RORA: variants seen among roughly 807,000 people sequenced by gnomAD.
RORA encodes the protein nuclear receptor ROR-alpha.
RORA carries 7 observed loss-of-function variants against 69.5 expected under a neutral mutation model. That is an observed-to-expected ratio of 0.10 (90% CI 0.06 to 0.19). The LOEUF (loss-of-function observed/expected upper bound fraction) is 0.19, where lower values mean the gene tolerates loss of function less well. RORA is among the 10% of genes least tolerant of loss of function. RORA has a pLI of 1.00. For missense variants in RORA, 457 were observed against 663.0 expected, an observed-to-expected ratio of 0.69 and a Z score of 3.41; for synonymous variants, 261 against 240.8, an observed-to-expected ratio of 1.08 and a Z score of -0.78.
intron 1 of RORA, among the ~76,000 whole-genome samples, chr15:61,198,049 A>G (rs2079861008): frequency 6.6e-6 from 1 of 152,066 alleles, no homozygotes; most frequent in Non-Finnish European, 1.5e-5. Flanking sequence ...TGTTTTATAA[A>G]CGCAACAGGG....
chr15:61,075,479 A>G (rs942443862), intron 1 of RORA, among the ~76,000 whole-genome samples: 12 of 152,134 alleles, frequency 7.9e-5, no homozygotes, highest in Admixed American at 1.3e-4. Context: ...TGCTCCCCCC[A>G]TTAGTCTGTG....
At chr15:60,654,487 T>A (rs2070191906) in intron 2 of RORA, among the ~76,000 whole-genome samples, 1 of 152,202 alleles carries the variant, frequency 6.6e-6, no homozygotes. Flanking sequence ...CGAGGCTCTC[T>A]GAGATTTGAA....
chr15:60,786,152 C>A (rs117979186), intron 1 of RORA, among the ~76,000 whole-genome samples: 1 of 152,172 alleles, frequency 6.6e-6, no homozygotes, highest in African/African-American at 2.4e-5. Context: ...TATACATACA[C>A]GACATCACTA....
At chr15:60,660,437 G>A (rs1381279790) in intron 2 of RORA, among the ~76,000 whole-genome samples, 1 of 152,174 alleles carries the variant, frequency 6.6e-6, no homozygotes, top group East Asian at 1.9e-4. Flanking sequence ...GACTTTAGCA[G>A]CTTTTATTTT....
intron 1 of RORA, among the ~76,000 whole-genome samples, chr15:60,814,020 A>G (rs537278164): frequency 6.6e-6 from 1 of 152,330 alleles, no homozygotes; most frequent in South Asian, 2.1e-4. Context: ...GGCATACTAC[A>G]TATCATAAAA....
At chr15:60,564,294 T>C (rs1276952972) in intron 2 of RORA, among the ~76,000 whole-genome samples, 1 of 152,232 alleles carries the variant, frequency 6.6e-6, no homozygotes, top group Non-Finnish European at 1.5e-5. Flanking sequence ...GTGATCATGC[T>C]TGTTCAGTGT....
At chr15:60,858,460 T>G (rs1159027179) in intron 1 of RORA, among the ~76,000 whole-genome samples, 1 of 152,144 alleles carries the variant, frequency 6.6e-6, no homozygotes. Context: ...CTGCAATGTT[T>G]GGACTCACCC....
chr15:60,525,807 G>GTACT (rs1238978770), intron 3 of RORA, among the ~76,000 whole-genome samples: 1 of 152,158 alleles, frequency 6.6e-6, no homozygotes, highest in East Asian at 1.9e-4. Flanking sequence ...GTAGAAGCAT[G>GTACT]TACTGTGTTG....
intron 1 of RORA, among the ~76,000 whole-genome samples, chr15:60,911,588 G>A (rs1311367582): frequency 6.6e-6 from 1 of 151,954 alleles, no homozygotes; most frequent in Non-Finnish European, 1.5e-5. Context: ...GGTTTAAAGT[G>A]CAAATATATT....
intron 1 of RORA, among the ~76,000 whole-genome samples, chr15:61,106,483 G>C (rs2078949961): frequency 6.6e-6 from 1 of 152,160 alleles, no homozygotes; most frequent in Non-Finnish European, 1.5e-5. Context: ...TTAGGAGCTT[G>C]TAACTCTCTC....
intron 2 of RORA, among the ~76,000 whole-genome samples, chr15:60,579,796 T>A (rs1412737722): frequency 2.6e-5 from 4 of 152,210 alleles, no homozygotes; most frequent in African/African-American, 9.7e-5. Context: ...ATTATAATTT[T>A]CAACCCTTGA....
intron 1 of RORA, among the ~76,000 whole-genome samples, chr15:61,150,069 C>T (rs945885881): frequency 7.2e-5 from 11 of 152,136 alleles, no homozygotes; most frequent in African/African-American, 2.4e-4. Flanking sequence ...AAGAGTACTA[C>T]ACATGGTTAA....
intron 1 of RORA, among the ~76,000 whole-genome samples, chr15:60,962,904 T>C (rs2140344494): frequency 6.6e-6 from 1 of 152,270 alleles, no homozygotes; most frequent in African/African-American, 2.4e-5. Flanking sequence ...TTGCAGGAGA[T>C]TGGGAAGACA....
chr15:60,551,195 G>T (rs1287566562), intron 2 of RORA, among the ~76,000 whole-genome samples: 2 of 152,036 alleles, frequency 1.3e-5, no homozygotes, highest in Admixed American at 1.3e-4. Flanking sequence ...AAAATTACTG[G>T]TGAGAGTGAG....
intron 3 of RORA, among the ~76,000 whole-genome samples, chr15:60,523,518 A>C (rs1445029803): frequency 1.3e-5 from 2 of 152,234 alleles, no homozygotes; most frequent in Non-Finnish European, 2.9e-5. Flanking sequence ...CCAGAGAGCC[A>C]GTTGTTCACA....
intron 2 of RORA, among the ~76,000 whole-genome samples, chr15:60,577,489 C>CA (rs1476265388): frequency 2.0e-5 from 3 of 151,830 alleles, no homozygotes; most frequent in African/African-American, 4.8e-5. Flanking sequence ...ACTAAAAATA[C>CA]AAAAATTAGC....
At chr15:60,784,078 C>G (rs1340629429) in intron 1 of RORA, among the ~76,000 whole-genome samples, 1 of 152,158 alleles carries the variant, frequency 6.6e-6, no homozygotes, top group Admixed American at 6.5e-5. Context: ...TGGTCTGTAT[C>G]TAACTGGGGA....
intron 1 of RORA, among the ~76,000 whole-genome samples, chr15:61,172,508 C>G (rs1190263953): frequency 6.6e-6 from 1 of 152,096 alleles, no homozygotes; most frequent in African/African-American, 2.4e-5. Context: ...AGGACAGCAG[C>G]CCACAGATGC....
At chr15:60,836,691 G>A (rs341398) in intron 1 of RORA, among the ~76,000 whole-genome samples, 61,075 of 151,860 alleles carry the variant, frequency 0.4, 12,527 homozygotes, top group East Asian at 0.56. Flanking sequence ...CAGGTTTTCC[G>A]TCTTAGCTGG....
Sources: allele counts gnomAD v4.1 joint callset (sites outside exome capture counted in the v4.1 genomes callset), GRCh38; gene constraint gnomAD v4.1.1; transcripts MANE v1.5; gene names NCBI Gene and HGNC (gene_info 2026-07-23, HGNC 2026-07-21).